Variants in ANO2 observed in about 807,000 individuals in gnomAD.
ANO2 encodes the protein anoctamin-2.
ANO2 carries 101 observed loss-of-function variants against 124.2 expected under a neutral mutation model. That is an observed-to-expected ratio of 0.81 (90% CI 0.69 to 0.96). The LOEUF (loss-of-function observed/expected upper bound fraction) is 0.96, where lower values mean the gene tolerates loss of function less well. Among genes scored for constraint, ANO2 ranks in the 40% least tolerant of loss-of-function variants. The pLI is 0.00. For synonymous variants in ANO2, 486 were observed against 482.5 expected (o/e 1.01, Z -0.09); for missense variants, 1,293 against 1,274.5 (o/e 1.01, Z -0.22).
chr12:5,747,872 C>T (rs1204277080), intron 11 of ANO2, among the ~76,000 whole-genome samples: 2 of 152,254 alleles, frequency 1.3e-5, no homozygotes, highest in African/African-American at 4.8e-5. Context: ...ACCATCCACT[C>T]TGACAGGCAA....
At chr12:5,663,154 C>T (rs1947532072) in intron 14 of ANO2, among the ~76,000 whole-genome samples, 1 of 152,176 alleles carries the variant, frequency 6.6e-6, no homozygotes, top group Non-Finnish European at 1.5e-5. Context: ...CAGTGCTCTC[C>T]GTGTCCAGCA....
At chr12:5,771,082 G>T (rs1024007808) in intron 10 of ANO2, among the ~76,000 whole-genome samples, 3 of 152,216 alleles carry the variant, frequency 2.0e-5, no homozygotes, top group African/African-American at 7.2e-5. Flanking sequence ...TCCACTGCTA[G>T]AATGTAAGCT....
At chr12:5,574,957 T>G (rs150677227) in intron 23 of ANO2, among the ~76,000 whole-genome samples, 289 of 152,336 alleles carry the variant, frequency 1.9e-3, no homozygotes, top group Admixed American at 3.6e-3. Flanking sequence ...ATTTCCTTTA[T>G]TAATCCCTTT....
chr12:5,621,056 C>G (rs147865823), intron 16 of ANO2, among the ~76,000 whole-genome samples: 3,777 of 152,204 alleles, frequency 0.025, 69 homozygotes, highest in Non-Finnish European at 0.037. Context: ...AATTCTGAGG[C>G]CCAGTGGAAG....
chr12:5,649,790 A>ATG lies in ANO2; in HGVS notation c.1546-1991_1546-1990dup, dbSNP rs5796179. On this transcript the variant is annotated intron_variant, in intron 14 of 24. Coordinates refer to ENST00000682330, the MANE Select transcript of ANO2 (RefSeq NM_001364791.2). ...CCCAGCTAAGTTTGTGCATGTGTGC[A>ATG]TGTGTGTGTGTGTGTGTGTGTGTGT... 3.8e-3 allele frequency among the ~76,000 whole-genome samples: 563 copies of ATG among 149,464 alleles called. 3 individuals carry two copies. Among genetic ancestry groups the ATG allele is most frequent in the South Asian group, 7.8e-3 (36 of 4,636 alleles).
At position 5,563,028 on chromosome 12, in the gene ANO2, C is replaced by T; in HGVS notation, c.*271G>A. ...TGCCTGAGACTCTGGGGTGGAGAGA[C>T]CCCAGTGGGGTTCCAATCCCTCAAA... On this transcript the variant is annotated 3_prime_UTR_variant, in exon 25 of 25. Transcript: ENST00000682330. 2.0e-6 allele frequency: 1 copy of T among 495,374 alleles called. No homozygotes were observed. The highest frequency in any genetic ancestry group is 3.4e-5 in the Admixed American group (1 of 29,614). The allele number at this position is 495,374 out of a possible 1,614,324, so 30.7% of individuals were successfully genotyped here.
At chr12:5,835,918 G>T (rs565927194) in intron 4 of ANO2, among the ~76,000 whole-genome samples, 1 of 152,312 alleles carries the variant, frequency 6.6e-6, no homozygotes, top group South Asian at 2.1e-4. Context: ...TTCAGTGCAG[G>T]TTCTGACCAG....
chr12:5,705,525 A>G (rs565568489), intron 14 of ANO2, among the ~76,000 whole-genome samples: 1 of 152,318 alleles, frequency 6.6e-6, no homozygotes, highest in Non-Finnish European at 1.5e-5. Flanking sequence ...GTACTCATCC[A>G]TAGGAGCTGG....
intron 14 of ANO2, among the ~76,000 whole-genome samples, chr12:5,717,781 A>G (rs1346328404): frequency 2.6e-5 from 4 of 152,248 alleles, no homozygotes; most frequent in African/African-American, 9.6e-5. Flanking sequence ...AAGTGGAAAT[A>G]CAGATCCTGT....
chr12:5,741,836 C>A (rs531911647), intron 12 of ANO2, among the ~76,000 whole-genome samples: 1 of 152,284 alleles, frequency 6.6e-6, no homozygotes, highest in South Asian at 2.1e-4. Context: ...GGTAACAGGG[C>A]ACCTTGGTCA....
At chr12:5,630,419 AG>A (rs1945658872) in intron 16 of ANO2, among the ~76,000 whole-genome samples, 1 of 152,140 alleles carries the variant, frequency 6.6e-6, no homozygotes. Context: ...CATCTCTGTT[AG>A]TGTGGGTATT....
At chr12:5,817,668 A>G (rs1953654124) in intron 7 of ANO2, among the ~76,000 whole-genome samples, 1 of 152,178 alleles carries the variant, frequency 6.6e-6, no homozygotes, top group South Asian at 2.1e-4. Flanking sequence ...CAGAGAAAAA[A>G]GTGGTCATAT....
At chr12:5,784,233 T>C (rs1296277170) in intron 10 of ANO2, among the ~76,000 whole-genome samples, 4 of 152,192 alleles carry the variant, frequency 2.6e-5, no homozygotes, top group Non-Finnish European at 5.9e-5. Flanking sequence ...GCTTAGCCAC[T>C]GAACCTTCCA....
At chr12:5,705,463 C>A (rs1418564650) in intron 14 of ANO2, among the ~76,000 whole-genome samples, 1 of 152,206 alleles carries the variant, frequency 6.6e-6, no homozygotes, top group Non-Finnish European at 1.5e-5. Context: ...CCACCAGGAT[C>A]ACGTGAATCT....
intron 4 of ANO2, among the ~76,000 whole-genome samples, chr12:5,847,829 G>C (rs1335860288): frequency 6.6e-6 from 1 of 152,132 alleles, no homozygotes; most frequent in Non-Finnish European, 1.5e-5. Flanking sequence ...TTTTCACACT[G>C]ATAAATAATG....
chr12:5,837,717 G>A (rs1257494373), intron 4 of ANO2, among the ~76,000 whole-genome samples: 3 of 151,642 alleles, frequency 2.0e-5, no homozygotes, highest in African/African-American at 4.8e-5. Flanking sequence ...AAAGCAGTGT[G>A]TAGAGGGAAA....
chr12:5,666,947 C>T (rs1947759304), intron 14 of ANO2, among the ~76,000 whole-genome samples: 3 of 152,180 alleles, frequency 2.0e-5, no homozygotes, highest in South Asian at 2.1e-4. Flanking sequence ...GAAGGTCAAC[C>T]ATGCAGGTGG....
intron 14 of ANO2, among the ~76,000 whole-genome samples, chr12:5,673,500 G>A (rs563465824): frequency 2.0e-5 from 3 of 152,234 alleles, no homozygotes; most frequent in East Asian, 1.9e-4. Context: ...CATAGATCAC[G>A]GAAAGGTAAA....
At chr12:5,855,488 C>T (rs976669498) in intron 3 of ANO2, among the ~76,000 whole-genome samples, 3 of 152,188 alleles carry the variant, frequency 2.0e-5, no homozygotes, top group African/African-American at 7.2e-5. Flanking sequence ...AGGAAGAAAG[C>T]TCATGACTTA....
Sources: gnomAD v4.1 joint callset for allele counts (sites outside exome capture counted in the v4.1 genomes callset) on GRCh38, gnomAD v4.1.1 for gene constraint, MANE v1.5 for transcripts, NCBI Gene and HGNC (gene_info 2026-07-23, HGNC 2026-07-21) for gene names.